IPP: variants seen among roughly 807,000 people sequenced by gnomAD.
The protein encoded by IPP is intracisternal A particle-promoted polypeptide.
A neutral mutation model predicts 64.1 loss-of-function variants in IPP; 41 were observed. The observed-to-expected ratio is 0.64, with a 90% confidence interval of 0.50 to 0.83. The LOEUF is 0.83. Ranked by LOEUF, IPP falls within the 40% of genes least tolerant of loss-of-function variation. The pLI, the probability that IPP is intolerant of heterozygous loss-of-function variation, is 0.00. For missense variants in IPP, 649 were observed against 703.0 expected, an observed-to-expected ratio of 0.92 and a Z score of 0.87; for synonymous variants, 214 against 235.2, an observed-to-expected ratio of 0.91 and a Z score of 0.83.
At chr1:45,740,024 C>T (rs1275004344) in intron 3 of IPP, among the ~76,000 whole-genome samples, 1 of 152,054 alleles carries the variant, frequency 6.6e-6, no homozygotes, top group African/African-American at 2.4e-5. Context: ...GGTGATGACT[C>T]TTAACGAGCA....
chr1:45,723,623 C>T (rs1025963119), intron 5 of IPP, among the ~76,000 whole-genome samples: 5 of 152,156 alleles, frequency 3.3e-5, no homozygotes, highest in Non-Finnish European at 7.4e-5. Flanking sequence ...GCTTAAAATT[C>T]TAATTTCCTT....
chr1:45,733,350 C>G (rs1036661323), intron 3 of IPP, among the ~76,000 whole-genome samples: 2 of 151,702 alleles, frequency 1.3e-5, no homozygotes, highest in Admixed American at 6.6e-5. Flanking sequence ...TGCTTGAACC[C>G]AGCAGGCAGA....
At chr1:45,747,978 G>A (rs778998183) in intron 1 of IPP, among the ~76,000 whole-genome samples, 2 of 151,432 alleles carry the variant, frequency 1.3e-5, no homozygotes, top group African/African-American at 2.4e-5. Context: ...TTATAGTGTG[G>A]GCTGATGTTA....
intron 8 of IPP, among the ~76,000 whole-genome samples, chr1:45,701,344 A>G (rs1645453314): frequency 6.6e-6 from 1 of 151,812 alleles, no homozygotes; most frequent in Admixed American, 6.6e-5. Context: ...CTGGAGTGCA[A>G]TGGTGTGATC....
chr1:45,713,380 G>A (rs1645616227), intron 8 of IPP, among the ~76,000 whole-genome samples: 1 of 152,082 alleles, frequency 6.6e-6, no homozygotes, highest in Admixed American at 6.5e-5. Flanking sequence ...GACCAACATA[G>A]AGAAACCCCG....
chr1:45,713,350 A>C (rs61784801), intron 8 of IPP, among the ~76,000 whole-genome samples: 109,050 of 151,878 alleles, frequency 0.72, 39,288 homozygotes, highest in African/African-American at 0.77. Flanking sequence ...CACCTGAGGT[A>C]GGGAGTTCGA....
chr1:45,708,894 C>T (rs976545532), intron 8 of IPP, among the ~76,000 whole-genome samples: 3 of 150,142 alleles, frequency 2.0e-5, no homozygotes, highest in South Asian at 2.1e-4. Context: ...ATTAGCTGGG[C>T]GTGGTGGTGG....
Position 45,741,063 on chromosome 1 carries a change from G to T in IPP, c.562C>A (p.Arg188=), listed in dbSNP as rs1394874624. The change falls in exon 3 of 9, where the codon CGA becomes AGA. Residue 188 remains arginine, a synonymous_variant. Transcript: ENST00000396478. Reference sequence around the variant, plus strand: ...TCCTCAATGCTAAGCTCTTCACTTCGCAAAATTTTGATCAGCTGATCTTTC... The same window carrying T: ...TCCTCAATGCTAAGCTCTTCACTTCTCAAAATTTTGATCAGCTGATCTTTC... ...LTKDQLIKIL[R]SEELSIEDEY... 1.9e-6 allele frequency: 3 copies of T among 1,613,804 alleles called. No homozygotes were observed. The highest frequency in any genetic ancestry group is 2.5e-6 in the Non-Finnish European group (3 of 1,179,976).
chr1:45,694,960 A>C (rs1229999386), downstream of IPP: 4 of 153,626 alleles, frequency 2.6e-5, no homozygotes, highest in Admixed American at 2.6e-4. Context: ...ATCTTGGCTC[A>C]CCGCAACCTC....
chr1:45,722,996 TAC>T (rs1437996790), intron 5 of IPP, among the ~76,000 whole-genome samples: 2 of 152,198 alleles, frequency 1.3e-5, no homozygotes, highest in African/African-American at 4.8e-5. Flanking sequence ...TGCTGATGGG[TAC>T]AGTGTTTCTT....
At chr1:45,706,980 CTGTAGTACTAGTTACT>C (rs762970218) in intron 8 of IPP, among the ~76,000 whole-genome samples, 6 of 152,208 alleles carry the variant, frequency 3.9e-5, no homozygotes, top group Non-Finnish European at 8.8e-5. Context: ...TAGTGCATGT[CTGTAGTACTAGTTACT>C]CAGGAGGCTG....
chr1:45,732,361 C>CAAAA lies in IPP; in HGVS notation c.725-2596_725-2593dup, dbSNP rs779442718. 7.0e-3 allele frequency among the ~76,000 whole-genome samples: 421 copies of CAAAA among 59,748 alleles called. 31 individuals are homozygous for CAAAA. The highest frequency in any genetic ancestry group is 0.023 in the African/African-American group (268 of 11,814). 39.2% of individuals were successfully genotyped at this position (59,748 alleles called of 152,430 possible). A position where few individuals can be genotyped will look rare whatever the true frequency, so the allele number is the denominator to read the frequency against. ...TGGGCAAAAGAGCGAGACTCCACCT[C>CAAAA]AAAAAAAAAAAAAAAAAAACACAAA... On this transcript the variant is annotated intron_variant, in intron 3 of 8. Coordinates refer to ENST00000396478, the MANE Select transcript of IPP (RefSeq NM_005897.3).
At chr1:45,724,003 C>G (rs531282682) in intron 5 of IPP, among the ~76,000 whole-genome samples, 2 of 150,804 alleles carry the variant, frequency 1.3e-5, no homozygotes, top group East Asian at 3.9e-4. Flanking sequence ...TCTCCACGGT[C>G]TCCTTCCACG....
intron 2 of IPP, among the ~76,000 whole-genome samples, chr1:45,745,014 G>A (rs1646116094): frequency 6.6e-6 from 1 of 151,964 alleles, no homozygotes; most frequent in Non-Finnish European, 1.5e-5. Flanking sequence ...TGAAGTGTGA[G>A]TGCACCACCA....
intron 2 of IPP, among the ~76,000 whole-genome samples, chr1:45,744,486 C>G (rs927323041): frequency 6.6e-6 from 1 of 152,066 alleles, no homozygotes; most frequent in African/African-American, 2.4e-5. Flanking sequence ...TGGATCCTCC[C>G]ACATCAGCCT....
intron 8 of IPP, among the ~76,000 whole-genome samples, chr1:45,703,212 C>G (rs553267206): frequency 6.6e-6 from 1 of 150,984 alleles, no homozygotes; most frequent in Admixed American, 6.6e-5. Context: ...CCTCAGCCTC[C>G]TGAGGAGCTG....
At chr1:45,735,466 C>CTTTTTTTTTT (rs756979985) in intron 3 of IPP, among the ~76,000 whole-genome samples, 5 of 57,948 alleles carry the variant, frequency 8.6e-5, no homozygotes, top group Non-Finnish European at 1.6e-4. Context: ...TTTAATTTTG[C>CTTTTTTTTTT]TTTTTTTTTT....
chr1:45,717,268 T>C (rs1052625307), intron 6 of IPP, among the ~76,000 whole-genome samples: 1 of 149,604 alleles, frequency 6.7e-6, no homozygotes, highest in African/African-American at 2.5e-5. Context: ...TTTAACTCCC[T>C]ATTTTTCACT....
In IPP at chr1:45,746,286, T is replaced by C. The variant is rs1466137173; in HGVS notation, c.126A>G (p.Gln42=). 1.1e-5 allele frequency: 18 copies of C among 1,614,202 alleles called. No homozygotes were observed. Among genetic ancestry groups the C allele is most frequent in the Non-Finnish European group, 1.5e-5 (18 of 1,180,032 alleles). The part of the protein sequence containing the change: ...NGQHFCDVQL[Q]VGQESFKAHR... The stretch of plus-strand genomic sequence containing the variant: ...GAGCTTTAAAACTTTCCTGTCCAAC[T>C]TGCAGCTGCACATCACAGAAATGCT... Residue 42 remains glutamine, a synonymous_variant, in exon 2 of 9, where the codon CAA becomes CAG. Coordinates refer to ENST00000396478, the MANE Select transcript of IPP (RefSeq NM_005897.3).
Sources: allele counts gnomAD v4.1 joint callset (sites outside exome capture counted in the v4.1 genomes callset), GRCh38; gene constraint gnomAD v4.1.1; transcripts MANE v1.5; gene names NCBI Gene and HGNC (gene_info 2026-07-23, HGNC 2026-07-21).